RAP1GAP2: variants seen among roughly 807,000 people sequenced by gnomAD.
The protein encoded by RAP1GAP2 is RAP1 GTPase activating protein 2.
Under a neutral mutation model 95.0 loss-of-function variants are expected in RAP1GAP2, and 27 were observed. The observed-to-expected ratio is 0.28, with a 90% CI of 0.21 to 0.39. The LOEUF is 0.39. Ranked by LOEUF, RAP1GAP2 falls within the 10% of genes least tolerant of loss-of-function variation. The probability of loss-of-function intolerance (pLI) is 1.00; values close to 1 mark genes in which losing one functional copy is unlikely to be tolerated. For synonymous variants in RAP1GAP2, 373 were observed against 380.9 expected (o/e 0.98, Z 0.24); for missense variants, 771 against 970.0 (o/e 0.79, Z 2.72).
chr17:2,828,320 G>A (rs1362135485), intron 2 of RAP1GAP2, among the ~76,000 whole-genome samples: 7 of 148,402 alleles, frequency 4.7e-5, no homozygotes, highest in South Asian at 2.2e-4. Context: ...CAACCTGGGC[G>A]ACAGTGAGAC....
chr17:2,818,227 G>A (rs959845714), intron 2 of RAP1GAP2, among the ~76,000 whole-genome samples: 48 of 151,868 alleles, frequency 3.2e-4, no homozygotes, highest in African/African-American at 9.9e-4. Flanking sequence ...GCTTGCCTCC[G>A]TTCCTCTATT....
At chr17:2,878,852 C>T (rs557794826) in intron 2 of RAP1GAP2, among the ~76,000 whole-genome samples, 2 of 152,350 alleles carry the variant, frequency 1.3e-5, no homozygotes, top group South Asian at 2.1e-4. Flanking sequence ...TGCGTGAGCA[C>T]GCGCAAGGTG....
chr17:2,893,454 T>A (rs991547830), intron 2 of RAP1GAP2, among the ~76,000 whole-genome samples: 1 of 152,228 alleles, frequency 6.6e-6, no homozygotes, highest in Non-Finnish European at 1.5e-5. Flanking sequence ...TCTATTTATA[T>A]CTCCTAAAGG....
chr17:2,962,574 C>G, intron 4 of RAP1GAP2, 96 bp from the exon 5 acceptor site: 2 of 1,311,148 alleles, frequency 1.5e-6, no homozygotes, highest in African/African-American at 1.5e-5. Context: ...TGCTGCTGCT[C>G]CTGTTACTAA....
chr17:2,815,712 C>A (rs1966301), intron 2 of RAP1GAP2, among the ~76,000 whole-genome samples: 54,902 of 151,810 alleles, frequency 0.36, 10,272 homozygotes, highest in Non-Finnish European at 0.39. Context: ...GAACTCCTGA[C>A]CTCAGGTGAT....
intron 22 of RAP1GAP2, among the ~76,000 whole-genome samples, chr17:3,030,576 C>T (rs527711230): frequency 3.3e-5 from 5 of 152,206 alleles, no homozygotes; most frequent in Admixed American, 1.3e-4. Flanking sequence ...GGTGTTTCTA[C>T]CACATGGATA....
chr17:2,848,458 A>G (rs2071679815), intron 2 of RAP1GAP2, among the ~76,000 whole-genome samples: 2 of 150,246 alleles, frequency 1.3e-5, no homozygotes, highest in African/African-American at 4.9e-5. Flanking sequence ...GAGGAGAGTC[A>G]GTATGTTGGC....
chr17:2,872,554 C>T (rs1395429373), intron 2 of RAP1GAP2, among the ~76,000 whole-genome samples: 1 of 152,116 alleles, frequency 6.6e-6, no homozygotes. Flanking sequence ...CCAGCAGGGA[C>T]AGCCCTTCCC....
rs1419195401 is a variant in RAP1GAP2 at position 2,857,967 on chromosome 17, G to C, written c.81-47317G>C. 6.6e-6 allele frequency among the ~76,000 whole-genome samples: 1 copy of C among 152,158 alleles called. No homozygotes were observed. The highest frequency in any genetic ancestry group is 1.5e-5 in the Non-Finnish European group (1 of 68,034). Reference sequence around the variant, plus strand: ...ATGCAAAAAGTAGCTGGGTGTGGTGGCGTGCACCTGTAATCCCAGCTATTC... The same window carrying C: ...ATGCAAAAAGTAGCTGGGTGTGGTGCCGTGCACCTGTAATCCCAGCTATTC... On this transcript the variant is annotated intron_variant, in intron 2 of 24. Coordinates refer to ENST00000254695, the MANE Select transcript of RAP1GAP2 (RefSeq NM_015085.5). This position sits in a 1 kb window ranked among gnomAD's most constrained non-coding sequence, Gnocchi z 4.0.
Position 3,003,242 on chromosome 17 carries a change from A to G in RAP1GAP2, c.1201-2127A>G, listed in dbSNP as rs929902691. On this transcript the variant is annotated intron_variant, in intron 14 of 24. Coordinates refer to ENST00000254695, the MANE Select transcript of RAP1GAP2 (RefSeq NM_015085.5). The surrounding 1 kb of genome is among the most constrained non-coding windows in gnomAD (Gnocchi z 4.1). ...ATTGAGCCATCAGAGCAGGCGAGAA[A>G]TTGGCTCCACGGAGTCGGGTGTGCA... is the stretch of plus-strand genomic sequence containing the variant. 6.6e-6 allele frequency among the ~76,000 whole-genome samples: 1 copy of G among 152,082 alleles called. No individual in the cohort carries two copies. The highest frequency in any genetic ancestry group is 6.6e-5 in the Admixed American group (1 of 15,262).
At chr17:2,941,275 G>A (rs1438088932) in intron 3 of RAP1GAP2, among the ~76,000 whole-genome samples, 1 of 152,064 alleles carries the variant, frequency 6.6e-6, no homozygotes, top group Non-Finnish European at 1.5e-5. Context: ...GGTGGCACGT[G>A]CTTGTAATCC....
chr17:2,983,204 G>A (rs1265549056), intron 10 of RAP1GAP2, among the ~76,000 whole-genome samples: 3 of 151,686 alleles, frequency 2.0e-5, no homozygotes, highest in African/African-American at 7.3e-5. Flanking sequence ...CGCATAACGC[G>A]TGGTTGAATC....
intron 1 of RAP1GAP2, among the ~76,000 whole-genome samples, chr17:2,799,905 G>A (rs1414067760): frequency 6.6e-6 from 1 of 152,176 alleles, no homozygotes; most frequent in Non-Finnish European, 1.5e-5. Context: ...GGAGCTGGCT[G>A]TGAGGGCAGT....
chr17:3,000,252 T>C (rs1329128383), intron 14 of RAP1GAP2, among the ~76,000 whole-genome samples: 1 of 152,268 alleles, frequency 6.6e-6, no homozygotes, highest in Non-Finnish European at 1.5e-5. Flanking sequence ...CCCAGCCCAT[T>C]TCTTGAAGGC....
At chr17:3,030,283 G>A (rs1315327924) in intron 22 of RAP1GAP2, among the ~76,000 whole-genome samples, 4 of 151,852 alleles carry the variant, frequency 2.6e-5, no homozygotes, top group African/African-American at 4.8e-5. Flanking sequence ...TGCTGTATCC[G>A]AGAAAAGTTT....
chr17:2,872,348 G>A (rs2151642555), intron 2 of RAP1GAP2, among the ~76,000 whole-genome samples: 1 of 152,194 alleles, frequency 6.6e-6, no homozygotes, highest in Admixed American at 6.6e-5. Flanking sequence ...AGGTGTCCAT[G>A]CTCTGATGGA....
chr17:2,901,413 C>T (rs2042021111), intron 2 of RAP1GAP2, among the ~76,000 whole-genome samples: 1 of 152,180 alleles, frequency 6.6e-6, no homozygotes, highest in South Asian at 2.1e-4. Flanking sequence ...CCATCTCCAG[C>T]CCCTCCTCTC....
chr17:3,018,008 G>A, intron 17 of RAP1GAP2, 53 bp from the exon 18 acceptor site: 1 of 1,532,636 alleles, frequency 6.5e-7, no homozygotes, highest in Non-Finnish European at 8.8e-7. Context: ...GGAGGGCAGA[G>A]TCATCCGGAG....
intron 2 of RAP1GAP2, among the ~76,000 whole-genome samples, chr17:2,887,576 T>C (rs1227796999): frequency 6.6e-6 from 1 of 151,780 alleles, no homozygotes; most frequent in South Asian, 2.1e-4. Flanking sequence ...GGTTTCACCA[T>C]GTTAGCCAGG....
Sources: gnomAD v4.1 joint callset for allele counts (sites outside exome capture counted in the v4.1 genomes callset) on GRCh38, gnomAD v4.1.1 for gene constraint, Gnocchi (gnomAD v3.1) non-coding constraint, MANE v1.5 for transcripts, NCBI Gene and HGNC (gene_info 2026-07-23, HGNC 2026-07-21) for gene names.